The following SGIP1 variants were observed in gnomAD, a reference collection of about 807,000 sequenced individuals.
SGIP1 encodes the protein SH3-containing GRB2-like protein 3-interacting protein 1.
SGIP1 carries 38 observed loss-of-function variants against 107.5 expected under a neutral mutation model. The ratio of observed to expected loss-of-function variants is 0.35; its 90% CI spans 0.27 to 0.46. The LOEUF is 0.46. SGIP1 is among the 20% of genes least tolerant of loss of function. The pLI is 1.00. For missense variants in SGIP1, 929 were observed against 1,019.5 expected (o/e 0.91, Z 1.21); for synonymous variants, 365 against 366.1 (o/e 1.00, Z 0.03).
chr1:66,618,223 AAATCCCTC>A (rs2069934102), intron 1 of SGIP1, among the ~76,000 whole-genome samples: 2 of 152,228 alleles, frequency 1.3e-5, no homozygotes, highest in Admixed American at 6.5e-5. Context: ...TGGCCTTAGC[AAATCCCTC>A]ACTCTGAGTC....
intron 7 of SGIP1, among the ~76,000 whole-genome samples, chr1:66,644,918 A>G (rs368684066): frequency 1.3e-5 from 2 of 152,198 alleles, no homozygotes; most frequent in Admixed American, 1.3e-4. Context: ...TTTTCCTTCT[A>G]TAATGGAAGG....
intron 1 of SGIP1, among the ~76,000 whole-genome samples, chr1:66,562,383 A>T (rs1463222106): frequency 1.3e-5 from 2 of 152,036 alleles, no homozygotes; most frequent in Non-Finnish European, 2.9e-5. Context: ...AAGGGGGGAA[A>T]TTCTCTATCT....
At chr1:66,561,987 A>T (rs1239671650) in intron 1 of SGIP1, among the ~76,000 whole-genome samples, 1 of 152,000 alleles carries the variant, frequency 6.6e-6, no homozygotes, top group African/African-American at 2.4e-5. Flanking sequence ...ATTCCTGATA[A>T]AATCTTGAGT....
intron 1 of SGIP1, among the ~76,000 whole-genome samples, chr1:66,539,786 A>G (rs1400590304): frequency 6.6e-6 from 1 of 152,190 alleles, no homozygotes; most frequent in Non-Finnish European, 1.5e-5. Flanking sequence ...CTCCTCAGGC[A>G]GCCTTTGCTA....
chr1:66,713,951 G>T (rs1478954832), intron 18 of SGIP1, among the ~76,000 whole-genome samples: 1 of 152,006 alleles, frequency 6.6e-6, no homozygotes, highest in Non-Finnish European at 1.5e-5. Flanking sequence ...AGAATTCTAC[G>T]CTAACTCCAT....
In SGIP1 at chr1:66,640,778, T is replaced by TAA. The variant is rs58535961; in HGVS notation, c.228+957_228+958dup. ...GTAAGTTACCTCAGTACACTTGTAT[T>TAA]AAAAAAAAAAAAAGCAACTCTGAGA... is the stretch of plus-strand genomic sequence containing the variant. On this transcript the variant is annotated intron_variant, in intron 5 of 24. Transcript: ENST00000371037. Among the ~76,000 whole-genome samples, 418 of 141,358 alleles carry TAA rather than the reference T, an allele frequency of 3.0e-3. 1 individual carries two copies. The highest frequency in any genetic ancestry group is 8.8e-3 in the African/African-American group (337 of 38,440). 92.7% of individuals were successfully genotyped at this position (141,358 alleles called of 152,430 possible).
At chr1:66,691,111 T>C (rs1246487555) in intron 17 of SGIP1, among the ~76,000 whole-genome samples, 1 of 152,200 alleles carries the variant, frequency 6.6e-6, no homozygotes, top group Admixed American at 6.5e-5. Context: ...GGCTTTCCCA[T>C]TCCATTTTTC....
intron 1 of SGIP1, among the ~76,000 whole-genome samples, chr1:66,558,628 T>C (rs576046407): frequency 4.5e-4 from 69 of 152,118 alleles, no homozygotes; most frequent in African/African-American, 1.6e-3. Flanking sequence ...CATTATCTCA[T>C]TGAAGCCTCA....
At chr1:66,684,878 T>C (rs1465361397) in intron 15 of SGIP1, among the ~76,000 whole-genome samples, 3 of 152,238 alleles carry the variant, frequency 2.0e-5, no homozygotes, top group Non-Finnish European at 4.4e-5. Context: ...CAGTAAAGAC[T>C]CTTGATTCTT....
chr1:66,742,052 C>T (rs1053040010), intron 24 of SGIP1, among the ~76,000 whole-genome samples: 2 of 152,188 alleles, frequency 1.3e-5, no homozygotes, highest in Non-Finnish European at 2.9e-5. Flanking sequence ...AGGCGGTGAG[C>T]CACCGCACCC....
intron 12 of SGIP1, among the ~76,000 whole-genome samples, chr1:66,675,280 A>G (rs558457059): frequency 6.6e-6 from 1 of 152,268 alleles, no homozygotes; most frequent in Non-Finnish European, 1.5e-5. Context: ...GTTTGCTTTC[A>G]TGTTAAAACA....
At chr1:66,639,070 A>G (rs1251034725) in intron 4 of SGIP1, among the ~76,000 whole-genome samples, 2 of 152,324 alleles carry the variant, frequency 1.3e-5, no homozygotes, top group South Asian at 2.1e-4. Context: ...CTAGGGGACA[A>G]AGAAAACTTT....
chr1:66,540,549 G>A (rs908295833), intron 1 of SGIP1, among the ~76,000 whole-genome samples: 5 of 152,152 alleles, frequency 3.3e-5, no homozygotes, highest in Non-Finnish European at 4.4e-5. Context: ...CAGCAGGTTC[G>A]ACTTGGAATG....
At chr1:66,623,641 A>G (rs184537799) in intron 1 of SGIP1, among the ~76,000 whole-genome samples, 4 of 152,334 alleles carry the variant, frequency 2.6e-5, no homozygotes, top group Admixed American at 2.6e-4. Context: ...CATTCTATGT[A>G]TAAGTGTATT....
intron 15 of SGIP1, chr1:66,684,203 A>T: frequency 6.4e-7 from 1 of 1,550,572 alleles, no homozygotes. Context: ...TCTGAGCTGG[A>T]GCCTATGTTG....
Position 66,746,289 on chromosome 1 carries a change from C to A in SGIP1, c.*3194C>A, listed in dbSNP as rs2094551811. 6.6e-6 allele frequency: 1 copy of A among 152,142 alleles called. No homozygotes were observed. The highest frequency in any genetic ancestry group is 1.5e-5 in the Non-Finnish European group (1 of 67,968). The allele number at this position is 152,142 out of a possible 1,614,324, so 9.4% of individuals were successfully genotyped here. A position where few individuals can be genotyped will look rare whatever the true frequency, so the allele number is the denominator to read the frequency against. On this transcript the variant is annotated 3_prime_UTR_variant, in exon 25 of 25. Transcript: ENST00000371037. ...GATTGCCAGTGGTTTTCAAGCTTTT[C>A]TTAACAGCAGGGCTTTTTTTCTAAT...
chr1:66,701,568 T>C (rs967504140), intron 18 of SGIP1, among the ~76,000 whole-genome samples: 7 of 152,232 alleles, frequency 4.6e-5, no homozygotes, highest in Admixed American at 3.3e-4. Context: ...TTTTTTTTAA[T>C]AGCCTCAACC....
At chr1:66,644,021 C>T (rs2149501097) in intron 7 of SGIP1, 1 of 173,592 alleles carries the variant, frequency 5.8e-6, no homozygotes, top group East Asian at 1.4e-4. Context: ...AATTATCTCT[C>T]ATGCAGACTT....
At chr1:66,533,839 C>T (rs991272730), upstream of SGIP1, among the ~76,000 whole-genome samples, 3 of 152,146 alleles carry the variant, frequency 2.0e-5, no homozygotes, top group African/African-American at 7.2e-5. Flanking sequence ...CCAGAGTCCC[C>T]TGTTAAGGTG....
Sources: gnomAD v4.1 joint callset for allele counts (sites outside exome capture counted in the v4.1 genomes callset) on GRCh38, gnomAD v4.1.1 for gene constraint, MANE v1.5 for transcripts, NCBI Gene and HGNC (gene_info 2026-07-23, HGNC 2026-07-21) for gene names.